The following HAMP variants were observed in gnomAD, a reference collection of about 807,000 sequenced individuals.
HAMP encodes hepcidin antimicrobial peptide.
Under a neutral mutation model 7.8 loss-of-function variants are expected in HAMP, and 5 were observed. The observed-to-expected ratio is 0.64, with a 90% CI of 0.33 to 1.34. The LOEUF is 1.34. HAMP is among the 40% of genes most tolerant of loss of function. The pLI is 0.05. For synonymous variants in HAMP, 52 were observed against 38.6 expected (o/e 1.35, Z -1.28); for missense variants, 105 against 104.1 (o/e 1.01, Z -0.04).
At chr19:35,284,904 C>A (rs759921570) in intron 2 of HAMP, 34 bp from the exon 3 acceptor site, 3 of 1,605,130 alleles carry the variant, frequency 1.9e-6, no homozygotes, top group Non-Finnish European at 2.6e-6. Context: ...ATGCTAAGGC[C>A]GGTTCCCTGC....
At position 35,285,063 on chromosome 19, in the gene HAMP, G is replaced by C. The variant is rs372330392; in HGVS notation, c.*21G>C. The C allele has an allele frequency of 4.9e-6, 7 of 1,439,666 alleles. No individual in the cohort carries two copies. In the Middle Eastern group the frequency reaches 5.3e-4, roughly 108 times the overall value. The allele number at this position is 1,439,666 out of a possible 1,614,324, so 89.2% of individuals were successfully genotyped here. ...CGTAGAACCTACCTGCCCTGCCCCC[G>C]TCCCCTCCCTTCCTTATTTATTCCT... On this transcript the variant is annotated 3_prime_UTR_variant, in exon 3 of 3. Coordinates refer to ENST00000222304, the MANE Select transcript of HAMP (RefSeq NM_021175.4).
intron 1 of HAMP, chr19:35,284,327 C>CG: frequency 5.0e-6 from 1 of 198,824 alleles, no homozygotes; most frequent in Non-Finnish European, 1.0e-5. Flanking sequence ...CACCTGCTGT[C>CG]CCAGCTACTC....
intron 1 of HAMP, 34 bp from the exon 2 acceptor site, chr19:35,284,755 C>T (rs2145593551): frequency 6.3e-7 from 1 of 1,578,808 alleles, no homozygotes. Context: ...ACTGGGCCCC[C>T]TGCCATCCTC....
Position 35,285,066 on chromosome 19 carries a change from C to T in HAMP, c.*24C>T, listed in dbSNP as rs1470539913. On this transcript the variant is annotated 3_prime_UTR_variant, in exon 3 of 3. Coordinates refer to ENST00000222304, the MANE Select transcript of HAMP (RefSeq NM_021175.4). ...AGAACCTACCTGCCCTGCCCCCGTCCCCTCCCTTCCTTATTTATTCCTGCT... is the reference window on the plus strand; with the variant it reads ...AGAACCTACCTGCCCTGCCCCCGTCTCCTCCCTTCCTTATTTATTCCTGCT... 1 of 1,413,894 alleles carries T rather than the reference C, an allele frequency of 7.1e-7. No homozygotes were observed. Among genetic ancestry groups the T allele is most frequent in the South Asian group, 1.1e-5 (1 of 87,134 alleles). The allele number at this position is 1,413,894 out of a possible 1,614,324, so 87.6% of individuals were successfully genotyped here.
Position 35,285,063 on chromosome 19 carries a change from GT to G in HAMP, c.*22del, listed in dbSNP as rs2066320781. 1 of 1,439,666 alleles carries G rather than the reference GT, an allele frequency of 6.9e-7. No individual in the cohort carries two copies. Among genetic ancestry groups the G allele is most frequent in the Non-Finnish European group, 9.8e-7 (1 of 1,020,738 alleles). The allele number at this position is 1,439,666 out of a possible 1,614,324, so 89.2% of individuals were successfully genotyped here. On this transcript the variant is annotated 3_prime_UTR_variant, in exon 3 of 3. Transcript: ENST00000222304. ...CGTAGAACCTACCTGCCCTGCCCCCGTCCCCTCCCTTCCTTATTTATTCCTG... is the reference window on the plus strand; with the variant it reads ...CGTAGAACCTACCTGCCCTGCCCCCGCCCCTCCCTTCCTTATTTATTCCTG...
intron 1 of HAMP, chr19:35,284,538 A>C (rs7251432): frequency 1.7e-6 from 1 of 581,514 alleles, no homozygotes; most frequent in African/African-American, 1.9e-5. Context: ...ACTGGCATCC[A>C]GGCAGGGGAA....
intron 1 of HAMP, chr19:35,283,534 G>C (rs553409669): frequency 6.6e-6 from 1 of 152,340 alleles, no homozygotes; most frequent in East Asian, 1.9e-4. Flanking sequence ...CCACGGGTTG[G>C]GGGACCACAG....
intron 1 of HAMP, chr19:35,283,317 C>T (rs948954498): frequency 1.9e-5 from 3 of 160,076 alleles, no homozygotes; most frequent in African/African-American, 7.2e-5. Context: ...ATTCGTGAAT[C>T]TCATAACAGA....
intron 1 of HAMP, chr19:35,284,473 G>A: frequency 2.0e-6 from 1 of 502,938 alleles, no homozygotes; most frequent in South Asian, 2.2e-5. Context: ...TGACTCTGCT[G>A]TGTGGCAAAT....
chr19:35,284,552 G>A (rs1443616618), intron 1 of HAMP: 3 of 592,386 alleles, frequency 5.1e-6, no homozygotes, highest in Non-Finnish European at 3.0e-6. Context: ...AGGGGAAGGT[G>A]ATATCCCAAA....
intron 1 of HAMP, chr19:35,283,067 CAG>C: frequency 3.5e-6 from 1 of 287,786 alleles, no homozygotes; most frequent in East Asian, 8.5e-5. Flanking sequence ...AGCCTGGCAA[CAG>C]AGCAAGACTC....
chr19:35,283,117 G>A, intron 1 of HAMP: 1 of 264,914 alleles, frequency 3.8e-6, no homozygotes, highest in Non-Finnish European at 7.5e-6. Flanking sequence ...GAAGCACCGA[G>A]TGACAGGGAC....
chr19:35,284,108 T>C (rs1041211294), intron 1 of HAMP: 1 of 153,344 alleles, frequency 6.5e-6, no homozygotes, highest in African/African-American at 2.4e-5. Context: ...TGTAGGTTTT[T>C]AAAATGGAGA....
At chr19:35,283,444 G>A (rs2066312522) in intron 1 of HAMP, 1 of 152,304 alleles carries the variant, frequency 6.6e-6, no homozygotes, top group Non-Finnish European at 1.5e-5. Flanking sequence ...TGCAGTCATA[G>A]TTCACTGCAG....
chr19:35,284,481 A>C, intron 1 of HAMP: 1 of 516,204 alleles, frequency 1.9e-6, no homozygotes. Context: ...CTGTGTGGCA[A>C]ATGGATTGAG....
At chr19:35,284,332 C>CAT in intron 1 of HAMP, 1 of 195,462 alleles carries the variant, frequency 5.1e-6, no homozygotes, top group Non-Finnish European at 1.1e-5. Flanking sequence ...GCTGTCCCAG[C>CAT]TACTCGGGAA....
intron 1 of HAMP, chr19:35,283,195 G>A: frequency 5.4e-6 from 1 of 186,688 alleles, no homozygotes; most frequent in East Asian, 1.3e-4. Flanking sequence ...TCTAGACAGT[G>A]GGGACGAGGC....
rs986086558 is a variant in HAMP, at chr19:35,282,815, C to T, written c.90+148C>T. On this transcript the variant is annotated intron_variant, in intron 1 of 2. Transcript: ENST00000222304. ...AGCTGAACAGGAACCAGGACAGGCA[C>T]GGTGGCTCATGCCTGTAATCCCAGC... is the stretch of plus-strand genomic sequence containing the variant. 178 of 711,040 alleles carry T rather than the reference C, an allele frequency of 2.5e-4. 1 individual carries two copies. Among genetic ancestry groups the T allele is most frequent in the South Asian group, 6.9e-4 (46 of 66,948 alleles). 44.0% of individuals were successfully genotyped at this position (711,040 alleles called of 1,614,324 possible). A position where few individuals can be genotyped will look rare whatever the true frequency, so the allele number is the denominator to read the frequency against.
chr19:35,285,127 T>C lies in HAMP; in HGVS notation c.*85T>C. 1.1e-6 allele frequency: 1 copy of C among 894,062 alleles called. No homozygotes were observed. The highest frequency in any genetic ancestry group is 1.9e-6 in the Non-Finnish European group (1 of 528,776). The allele number at this position is 894,062 out of a possible 1,614,324, so 55.4% of individuals were successfully genotyped here. On this transcript the variant is annotated 3_prime_UTR_variant, in exon 3 of 3. Transcript: ENST00000222304. Reference sequence around the variant, plus strand: ...ATAGGTCTTGGAATAAAATGGCTGGTTCTTTTGTTTTCCAAACCAGAGTGT... The same window carrying C: ...ATAGGTCTTGGAATAAAATGGCTGGCTCTTTTGTTTTCCAAACCAGAGTGT...
Sources: gnomAD v4.1 joint callset for allele counts on GRCh38, gnomAD v4.1.1 for gene constraint, MANE v1.5 for transcripts, NCBI Gene and HGNC (gene_info 2026-07-23, HGNC 2026-07-21) for gene names.